The following TSPAN8 variants were observed in gnomAD, a reference collection of about 807,000 sequenced individuals.
The protein encoded by TSPAN8 is tetraspanin-8.
A neutral mutation model predicts 32.8 loss-of-function variants in TSPAN8; 21 were observed. The ratio of observed to expected loss-of-function variants is 0.64; its 90% CI spans 0.45 to 0.92. The LOEUF (loss-of-function observed/expected upper bound fraction) is 0.92. Ranked by LOEUF, TSPAN8 falls within the 40% of genes least tolerant of loss-of-function variation. The probability of loss-of-function intolerance (pLI) is 0.00; values close to 1 mark genes in which losing one functional copy is unlikely to be tolerated. For missense variants in TSPAN8, 269 were observed against 281.9 expected (o/e 0.95, Z 0.33); for synonymous variants, 95 against 94.6 (o/e 1.00, Z -0.03).
chr12:71,138,122 CT>C (rs1294782185), intron 5 of TSPAN8, 33 bp downstream of exon 5: 1 of 1,610,544 alleles, frequency 6.2e-7, no homozygotes, highest in Non-Finnish European at 8.5e-7. Context: ...ATTTTTCAAA[CT>C]TCTTCAAAAT....
At chr12:71,150,705 T>C (rs1488331834) in intron 2 of TSPAN8, among the ~76,000 whole-genome samples, 1 of 152,172 alleles carries the variant, frequency 6.6e-6, no homozygotes. Context: ...TCACCCAAAT[T>C]TCATCTTGAA....
chr12:71,133,147 G>A (rs3851616), intron 6 of TSPAN8, among the ~76,000 whole-genome samples: 59,367 of 151,884 alleles, frequency 0.39, 12,649 homozygotes, highest in East Asian at 0.57. Context: ...GCAGTGACGC[G>A]ATCTCGGCTC....
chr12:71,134,690 C>A (rs774899000), intron 6 of TSPAN8, among the ~76,000 whole-genome samples: 1 of 152,044 alleles, frequency 6.6e-6, no homozygotes, highest in African/African-American at 2.4e-5. Flanking sequence ...ATACAGATAC[C>A]CTCTGTCAAA....
At chr12:71,129,263 C>T (rs1705263) in intron 8 of TSPAN8, 68 bp downstream of exon 8, 1 of 1,354,424 alleles carries the variant, frequency 7.4e-7, no homozygotes, top group Non-Finnish European at 9.8e-7. Context: ...TGTTCACCAT[C>T]AATATTTCTT....
At chr12:71,144,377 T>C (rs1303564325) in intron 2 of TSPAN8, among the ~76,000 whole-genome samples, 164 bp from the exon 3 acceptor site, 6 of 152,150 alleles carry the variant, frequency 3.9e-5, no homozygotes, top group African/African-American at 1.4e-4. Context: ...ATTGTTGAAA[T>C]GTTAAATTGC....
At chr12:71,153,386 A>G (rs1213025772) in intron 2 of TSPAN8, among the ~76,000 whole-genome samples, 1 of 152,232 alleles carries the variant, frequency 6.6e-6, no homozygotes, top group Non-Finnish European at 1.5e-5. Context: ...TTTTTCTTCA[A>G]TTAGTGATTC....
At chr12:71,127,207 A>G (rs1404705543) in intron 8 of TSPAN8, among the ~76,000 whole-genome samples, 4 of 152,104 alleles carry the variant, frequency 2.6e-5, no homozygotes, top group African/African-American at 9.7e-5. Flanking sequence ...AACTTTGGAA[A>G]CAAAGAAGGG....
At chr12:71,146,966 T>A (rs2137057788) in intron 2 of TSPAN8, among the ~76,000 whole-genome samples, 1 of 152,258 alleles carries the variant, frequency 6.6e-6, no homozygotes, top group Non-Finnish European at 1.5e-5. Context: ...GAGATAAATC[T>A]TTCTTTCTCT....
At chr12:71,144,416 A>G (rs2291740) in intron 2 of TSPAN8, among the ~76,000 whole-genome samples, 7,764 of 152,240 alleles carry the variant, frequency 0.051, 275 homozygotes, top group South Asian at 0.16. Context: ...GAATAATTCT[A>G]TTTCTCATCC....
At chr12:71,145,156 C>T (rs1029574428) in intron 2 of TSPAN8, among the ~76,000 whole-genome samples, 10 of 151,990 alleles carry the variant, frequency 6.6e-5, no homozygotes, top group African/African-American at 1.2e-4. Context: ...TTGAGACATA[C>T]GCCTAGAACC....
At chr12:71,156,186 A>G (rs1397968091) in intron 2 of TSPAN8, among the ~76,000 whole-genome samples, 1 of 143,532 alleles carries the variant, frequency 7.0e-6, no homozygotes, top group Admixed American at 7.5e-5. Flanking sequence ...TTCTGTGGCC[A>G]CCTGGGCTGG....
intron 8 of TSPAN8, among the ~76,000 whole-genome samples, chr12:71,128,733 T>C (rs953624007): frequency 1.3e-5 from 2 of 151,446 alleles, no homozygotes; most frequent in African/African-American, 4.9e-5. Flanking sequence ...ATAATTAAAG[T>C]GATGAAAGTA....
intron 2 of TSPAN8, among the ~76,000 whole-genome samples, chr12:71,156,640 T>C (rs1872453511): frequency 6.6e-6 from 1 of 152,232 alleles, no homozygotes; most frequent in Non-Finnish European, 1.5e-5. Context: ...AAGTTCATCA[T>C]TATTTTAATA....
chr12:71,148,138 CTTT>C (rs1048628908), intron 2 of TSPAN8, among the ~76,000 whole-genome samples: 7 of 152,300 alleles, frequency 4.6e-5, no homozygotes, highest in South Asian at 4.1e-4. Flanking sequence ...CATGTGACTT[CTTT>C]ATTTCCAGAC....
At chr12:71,157,396 A>G (rs1446894687) in intron 2 of TSPAN8, 1 of 455,486 alleles carries the variant, frequency 2.2e-6, no homozygotes, top group African/African-American at 2.0e-5. Flanking sequence ...AACATTTATG[A>G]AATGTTTATC....
chr12:71,129,560 C>A, intron 7 of TSPAN8, 146 bp from the exon 8 acceptor site: 1 of 894,182 alleles, frequency 1.1e-6, no homozygotes, highest in Non-Finnish European at 1.5e-6. Context: ...CCTTCCACTC[C>A]CTGCTTCACC....
At chr12:71,138,417 C>T (rs1443556335) in intron 4 of TSPAN8, among the ~76,000 whole-genome samples, 187 bp from the exon 5 acceptor site, 1 of 152,136 alleles carries the variant, frequency 6.6e-6, no homozygotes. Context: ...CAGAAAATTG[C>T]TCCAGAGACT....
chr12:71,142,078 CCT>C (rs1318083437), intron 3 of TSPAN8, among the ~76,000 whole-genome samples: 2 of 152,180 alleles, frequency 1.3e-5, no homozygotes, highest in African/African-American at 4.8e-5. Flanking sequence ...AAAACAGCTA[CCT>C]CTGTTTTTTC....
chr12:71,138,239 G>T lies in TSPAN8; in HGVS notation c.262-9C>A. 1 of 1,612,594 alleles carries T rather than the reference G, an allele frequency of 6.2e-7. No individual in the cohort carries two copies. Among genetic ancestry groups the T allele is most frequent in the South Asian group, 1.1e-5 (1 of 90,954 alleles). On this transcript the variant is annotated splice_polypyrimidine_tract_variant and intron_variant, in intron 4 of 8. Transcript: ENST00000247829. ...AGCAAGCCTATGAAAAACTGAAGAAGAGAAAAAGAAATATACATTATCCTC... is the reference window on the plus strand; with the variant it reads ...AGCAAGCCTATGAAAAACTGAAGAATAGAAAAAGAAATATACATTATCCTC...
Sources: allele counts gnomAD v4.1 joint callset (sites outside exome capture counted in the v4.1 genomes callset), GRCh38; gene constraint gnomAD v4.1.1; transcripts MANE v1.5; gene names NCBI Gene and HGNC (gene_info 2026-07-23, HGNC 2026-07-21).